The following CACNG3 variants were observed in gnomAD, a reference collection of about 807,000 sequenced individuals.
CACNG3 encodes the protein calcium voltage-gated channel auxiliary subunit gamma 3.
In CACNG3, 3 loss-of-function variants were observed where a neutral mutation model predicts 28.5. The ratio of observed to expected loss-of-function variants is 0.11; its 90% CI spans 0.05 to 0.27. The LOEUF (loss-of-function observed/expected upper bound fraction) is 0.27. Among genes scored for constraint, CACNG3 ranks in the 10% least tolerant of loss-of-function variants. CACNG3 has a pLI of 1.00. For synonymous variants in CACNG3, 174 were observed against 162.2 expected (o/e 1.07, Z -0.55); for missense variants, 236 against 414.4 (o/e 0.57, Z 3.74).
intron 1 of CACNG3, among the ~76,000 whole-genome samples, chr16:24,327,150 A>G (rs1269992734): frequency 2.8e-4 from 39 of 138,838 alleles, no homozygotes; most frequent in Admixed American, 1.4e-4. Flanking sequence ...AAAAAAAAAA[A>G]AAAGCCATAG....
At chr16:24,339,238 G>C (rs558493979) in intron 1 of CACNG3, among the ~76,000 whole-genome samples, 105 of 152,214 alleles carry the variant, frequency 6.9e-4, no homozygotes, top group African/African-American at 2.4e-3. Flanking sequence ...AAATATCATA[G>C]TAAATGTGAT....
At position 24,320,895 on chromosome 16, in the gene CACNG3, A is replaced by C. The variant is rs1239610955; in HGVS notation, c.212-25839A>C. ...CAGGCATGCAACACTATGCCTAATA[A>C]TTTTTTTTTTCATTTTGGGTAGAGA... On this transcript the variant is annotated intron_variant, in intron 1 of 3. Transcript: ENST00000005284. Among the ~76,000 whole-genome samples, 9 of 149,792 alleles carry C rather than the reference A, an allele frequency of 6.0e-5. No homozygotes were observed. In the East Asian group the frequency reaches 1.8e-3, roughly 29 times the overall value.
chr16:24,352,272 C>T (rs1460302452), intron 2 of CACNG3, among the ~76,000 whole-genome samples: 1 of 152,112 alleles, frequency 6.6e-6, no homozygotes, highest in Non-Finnish European at 1.5e-5. Context: ...GTGAACTAAG[C>T]TTTGAACCCC....
intron 1 of CACNG3, among the ~76,000 whole-genome samples, chr16:24,329,705 T>G (rs1336556928): frequency 6.6e-6 from 1 of 152,234 alleles, no homozygotes; most frequent in East Asian, 1.9e-4. Flanking sequence ...TATATTGTCA[T>G]TGTGCTATTT....
At chr16:24,264,994 T>G (rs1898578508) in intron 1 of CACNG3, among the ~76,000 whole-genome samples, 1 of 152,212 alleles carries the variant, frequency 6.6e-6, no homozygotes, top group Non-Finnish European at 1.5e-5. Context: ...ATCCCAGCAC[T>G]TTGAGAGGCC....
chr16:24,304,919 T>C (rs924297115), intron 1 of CACNG3, among the ~76,000 whole-genome samples: 6 of 152,182 alleles, frequency 3.9e-5, no homozygotes, highest in Middle Eastern at 3.2e-3. Context: ...ACTGGAACAG[T>C]GCCTGGCAAA....
intron 1 of CACNG3, among the ~76,000 whole-genome samples, chr16:24,270,243 A>C (rs1483959478): frequency 6.6e-6 from 1 of 152,202 alleles, no homozygotes; most frequent in Admixed American, 6.5e-5. Flanking sequence ...TCACCTGTAG[A>C]AATTGGTTTT....
At chr16:24,355,650 T>C (rs1076217) in intron 3 of CACNG3, among the ~76,000 whole-genome samples, 52,649 of 152,120 alleles carry the variant, frequency 0.35, 11,272 homozygotes, top group African/African-American at 0.58. Context: ...CATGTTAATA[T>C]ACGATCTCTG....
At chr16:24,342,397 A>G (rs1899803005) in intron 1 of CACNG3, among the ~76,000 whole-genome samples, 1 of 152,228 alleles carries the variant, frequency 6.6e-6, no homozygotes, top group Admixed American at 6.5e-5. Flanking sequence ...ACAGTCTGCA[A>G]CCCAGATTTG....
At chr16:24,306,973 G>C (rs752046332) in intron 1 of CACNG3, among the ~76,000 whole-genome samples, 1 of 152,160 alleles carries the variant, frequency 6.6e-6, no homozygotes, top group Non-Finnish European at 1.5e-5. Context: ...GTTGAGTGCC[G>C]CTCCGGGTAC....
chr16:24,354,705 G>T (rs973440196), intron 2 of CACNG3, 128 bp from the exon 3 acceptor site: 6 of 905,156 alleles, frequency 6.6e-6, no homozygotes, highest in Non-Finnish European at 1.0e-5. Context: ...CTGGTCTCAT[G>T]CCCGTGTTAG....
chr16:24,348,459 G>T (rs989335219), intron 2 of CACNG3, among the ~76,000 whole-genome samples: 1 of 152,136 alleles, frequency 6.6e-6, no homozygotes, highest in Non-Finnish European at 1.5e-5. Context: ...GCATTATTAG[G>T]TTAATTTATG....
intron 1 of CACNG3, among the ~76,000 whole-genome samples, chr16:24,258,500 C>T (rs558609231): frequency 6.6e-6 from 1 of 152,234 alleles, no homozygotes; most frequent in African/African-American, 2.4e-5. Context: ...ATTAGGTGGT[C>T]TTGAATTAAC....
intron 2 of CACNG3, among the ~76,000 whole-genome samples, chr16:24,354,090 G>A (rs537545324): frequency 6.6e-6 from 1 of 152,156 alleles, no homozygotes; most frequent in African/African-American, 2.4e-5. Flanking sequence ...CTACTTGAGA[G>A]GCTGAGGCAG....
Position 24,361,325 on chromosome 16 carries a change from C to G in CACNG3, c.437-27C>G. On this transcript the variant is annotated intron_variant, in intron 3 of 3. Coordinates refer to ENST00000005284, the MANE Select transcript of CACNG3 (RefSeq NM_006539.4). The surrounding 1 kb of genome is among the most constrained non-coding windows in gnomAD (Gnocchi z 6.8). Reference sequence around the variant, plus strand: ...AGTTCTCTCCGAGGTGTATAAAGGACGTGTTTTTCTTTTCCCCTTCTCTTA... The same window carrying G: ...AGTTCTCTCCGAGGTGTATAAAGGAGGTGTTTTTCTTTTCCCCTTCTCTTA... 6.6e-7 allele frequency: 1 copy of G among 1,526,480 alleles called. No individual in the cohort carries two copies. Among genetic ancestry groups the G allele is most frequent in the South Asian group, 1.3e-5 (1 of 78,568 alleles). 94.6% of individuals were successfully genotyped at this position (1,526,480 alleles called of 1,614,324 possible). A position where few individuals can be genotyped will look rare whatever the true frequency, so the allele number is the denominator to read the frequency against.
rs1278266248 is a variant in CACNG3, at chr16:24,345,847, G to A, written c.212-887G>A. ...CAGAGAGGGAAAGGGAGTGTCCTGT[G>A]GTCAGATATGAACATCATTGGGGAG... On this transcript the variant is annotated intron_variant, in intron 1 of 3. Coordinates refer to ENST00000005284, the MANE Select transcript of CACNG3 (RefSeq NM_006539.4). Among the ~76,000 whole-genome samples, 3 of 152,136 alleles carry A rather than the reference G, an allele frequency of 2.0e-5. No individual in the cohort carries two copies. In the East Asian group the frequency reaches 5.8e-4, roughly 29 times the overall value.
chr16:24,338,497 T>C (rs544602598), intron 1 of CACNG3, among the ~76,000 whole-genome samples: 1 of 152,070 alleles, frequency 6.6e-6, no homozygotes, highest in African/African-American at 2.4e-5. Flanking sequence ...GCACGCACCA[T>C]CATGCCCAGC....
Position 24,362,067 on chromosome 16 carries a change from C to T in CACNG3, c.*204C>T, listed in dbSNP as rs989132395. On this transcript the variant is annotated 3_prime_UTR_variant, in exon 4 of 4. Transcript: ENST00000005284. ...CCTCTCTAACTTTTCAAGCCAATCC[C>T]TTAATGTCATTCCTCTCTCTGTGTA... is the stretch of plus-strand genomic sequence containing the variant. The T allele has an allele frequency of 1.4e-5, 7 of 512,218 alleles. No homozygotes were observed. The highest frequency in any genetic ancestry group is 3.8e-5 in the South Asian group (1 of 26,220). 31.7% of individuals were successfully genotyped at this position (512,218 alleles called of 1,614,324 possible).
chr16:24,360,976 T>C (rs970810543), intron 3 of CACNG3, among the ~76,000 whole-genome samples: 3 of 152,354 alleles, frequency 2.0e-5, no homozygotes, highest in African/African-American at 7.2e-5. Context: ...TTGCTACTAA[T>C]GGTAAAGAAT....
Sources: allele counts gnomAD v4.1 joint callset (sites outside exome capture counted in the v4.1 genomes callset), GRCh38; gene constraint gnomAD v4.1.1; non-coding constraint Gnocchi (gnomAD v3.1); transcripts MANE v1.5; gene names NCBI Gene and HGNC (gene_info 2026-07-23, HGNC 2026-07-21).